The following AGMO variants were observed in gnomAD, a reference collection of about 807,000 sequenced individuals.
AGMO encodes the protein alkylglycerol monooxygenase.
Under a neutral mutation model 60.2 loss-of-function variants are expected in AGMO, and 75 were observed. That is an observed-to-expected ratio of 1.25 (90% CI 1.03 to 1.51). The LOEUF is 1.51. Among genes scored for constraint, AGMO ranks in the 40% most tolerant of loss-of-function variants. The pLI is 0.00. For missense variants in AGMO, 763 were observed against 525.5 expected, an observed-to-expected ratio of 1.45 and a Z score of -4.42; for synonymous variants, 261 against 177.1, an observed-to-expected ratio of 1.47 and a Z score of -3.76.
chr7:15,251,949 G>A (rs1049897439), intron 12 of AGMO, among the ~76,000 whole-genome samples: 5 of 152,150 alleles, frequency 3.3e-5, no homozygotes, highest in African/African-American at 1.2e-4. Flanking sequence ...TGTTTACCAG[G>A]TTATCTGTAG....
chr7:15,538,941 G>A (rs1784547194), intron 3 of AGMO, among the ~76,000 whole-genome samples: 1 of 152,078 alleles, frequency 6.6e-6, no homozygotes, highest in Non-Finnish European at 1.5e-5. Flanking sequence ...ATTAAGCAAT[G>A]TGTTGAGGAA....
chr7:15,204,600 G>T (rs542153641), intron 12 of AGMO, among the ~76,000 whole-genome samples: 121 of 152,264 alleles, frequency 7.9e-4, no homozygotes, highest in South Asian at 2.5e-3. Context: ...AGCAGAGGAA[G>T]TTCATTCTTA....
intron 10 of AGMO, among the ~76,000 whole-genome samples, chr7:15,376,130 A>C (rs919044783): frequency 6.6e-6 from 1 of 152,120 alleles, no homozygotes; most frequent in Non-Finnish European, 1.5e-5. Flanking sequence ...CTACAAATCC[A>C]TTACATTCAT....
chr7:15,220,882 A>C (rs1297396822), intron 12 of AGMO, among the ~76,000 whole-genome samples: 1 of 152,158 alleles, frequency 6.6e-6, no homozygotes, highest in Non-Finnish European at 1.5e-5. Context: ...AATTTTAAAT[A>C]AAGTGGGTGT....
In AGMO at chr7:15,544,765, A is replaced by T. The variant is rs1784727948; in HGVS notation, c.409+7T>A. 2 of 1,574,052 alleles carry T rather than the reference A, an allele frequency of 1.3e-6. No individual in the cohort carries two copies. The highest frequency in any genetic ancestry group is 1.7e-6 in the Non-Finnish European group (2 of 1,161,518). Reference sequence around the variant, plus strand: ...AAGTTAACAAAAAGTCCTCATTTGCAGCTTACCATGAGCCATACGATGGAA... The same window carrying T: ...AAGTTAACAAAAAGTCCTCATTTGCTGCTTACCATGAGCCATACGATGGAA... On this transcript the variant is annotated splice_region_variant and intron_variant, in intron 3 of 12. Coordinates refer to ENST00000342526, the MANE Select transcript of AGMO (RefSeq NM_001004320.2).
chr7:15,403,690 T>C (rs1036372808), intron 5 of AGMO, among the ~76,000 whole-genome samples: 2 of 152,010 alleles, frequency 1.3e-5, no homozygotes, highest in East Asian at 1.9e-4. Context: ...TAAACACTTA[T>C]TGTTTTACTT....
At chr7:15,329,894 C>G (rs1474270547) in intron 12 of AGMO, among the ~76,000 whole-genome samples, 2 of 152,046 alleles carry the variant, frequency 1.3e-5, no homozygotes, top group African/African-American at 2.4e-5. Context: ...AGCTGCGGGT[C>G]TCTAAAGTTA....
chr7:15,419,743 C>A (rs1444907198), intron 4 of AGMO, among the ~76,000 whole-genome samples: 1 of 151,834 alleles, frequency 6.6e-6, no homozygotes, highest in Non-Finnish European at 1.5e-5. Flanking sequence ...ACTGGGCTCT[C>A]ATTCAAGAGA....
intron 3 of AGMO, among the ~76,000 whole-genome samples, chr7:15,434,309 T>C (rs755935841): frequency 2.0e-5 from 3 of 152,170 alleles, no homozygotes; most frequent in Non-Finnish European, 4.4e-5. Context: ...CATTGATTCC[T>C]ATCCAACGGT....
chr7:15,354,504 A>ACACG (rs1451727408), intron 12 of AGMO, among the ~76,000 whole-genome samples: 3 of 35,592 alleles, frequency 8.4e-5, no homozygotes, highest in African/African-American at 2.2e-4. Flanking sequence ...GTGTATATAT[A>ACACG]TATATATATA....
intron 12 of AGMO, among the ~76,000 whole-genome samples, chr7:15,209,241 T>G (rs1254032008): frequency 1.3e-5 from 2 of 152,136 alleles, no homozygotes; most frequent in Non-Finnish European, 2.9e-5. Context: ...TTTCAATACT[T>G]GATGTACAAA....
intron 3 of AGMO, among the ~76,000 whole-genome samples, chr7:15,452,369 G>T (rs991785833): frequency 2.6e-5 from 4 of 151,930 alleles, no homozygotes; most frequent in Non-Finnish European, 5.9e-5. Flanking sequence ...AATATATAAA[G>T]AACTCTTACA....
intron 5 of AGMO, among the ~76,000 whole-genome samples, chr7:15,402,368 TC>T (rs1045461485): frequency 2.4e-4 from 36 of 151,724 alleles, no homozygotes; most frequent in African/African-American, 8.7e-4. Flanking sequence ...TCTATCTGTA[TC>T]CATCTATCTT....
the AGMO span, among the ~76,000 whole-genome samples, chr7:15,157,235 T>C: frequency 6.6e-6 from 1 of 152,126 alleles, no homozygotes; most frequent in Non-Finnish European, 1.5e-5. Flanking sequence ...ACTCTCTCTT[T>C]TATCAAATGA....
chr7:15,477,039 CT>C (rs1782610622), intron 3 of AGMO, among the ~76,000 whole-genome samples: 1 of 152,002 alleles, frequency 6.6e-6, no homozygotes, highest in Non-Finnish European at 1.5e-5. Context: ...TGAGGGTCCT[CT>C]TTTTCATTGA....
intron 2 of AGMO, among the ~76,000 whole-genome samples, chr7:15,547,626 C>A (rs1252903226): frequency 4.6e-5 from 7 of 152,110 alleles, no homozygotes; most frequent in Non-Finnish European, 8.8e-5. Flanking sequence ...AAAAACGGCG[C>A]ACCACGAGAT....
At chr7:15,510,928 T>C (rs1783655063) in intron 3 of AGMO, among the ~76,000 whole-genome samples, 1 of 148,892 alleles carries the variant, frequency 6.7e-6, no homozygotes, top group Non-Finnish European at 1.5e-5. Flanking sequence ...TATAATATAA[T>C]GTTTATATTA....
intron 3 of AGMO, among the ~76,000 whole-genome samples, chr7:15,515,714 T>A (rs1019920390): frequency 6.6e-6 from 1 of 152,230 alleles, no homozygotes; most frequent in Admixed American, 6.5e-5. Flanking sequence ...TTCATAATAG[T>A]TTCTAGGAGA....
chr7:15,545,688 T>C (rs1162893559), intron 2 of AGMO, among the ~76,000 whole-genome samples: 3 of 152,096 alleles, frequency 2.0e-5, no homozygotes, highest in Non-Finnish European at 2.9e-5. Context: ...TTGCCATCTA[T>C]TTATCAAGCT....
Sources: allele counts gnomAD v4.1 joint callset (sites outside exome capture counted in the v4.1 genomes callset), GRCh38; gene constraint gnomAD v4.1.1; transcripts MANE v1.5; gene names NCBI Gene and HGNC (gene_info 2026-07-23, HGNC 2026-07-21).